The following YWHAB variants were observed in gnomAD, a reference collection of about 807,000 sequenced individuals.
YWHAB encodes the protein 14-3-3 protein beta/alpha.
A neutral mutation model predicts 28.5 loss-of-function variants in YWHAB; 2 were observed. That is an observed-to-expected ratio of 0.07 (90% CI 0.03 to 0.22). The LOEUF is 0.22. Ranked by LOEUF, YWHAB falls within the 10% of genes least tolerant of loss-of-function variation. YWHAB has a pLI of 1.00. For missense variants in YWHAB, 148 were observed against 297.1 expected (o/e 0.50, Z 3.69); for synonymous variants, 103 against 104.7 (o/e 0.98, Z 0.10).
At chr20:44,888,729 C>CA (rs1324131544) in intron 1 of YWHAB, among the ~76,000 whole-genome samples, 5 of 152,204 alleles carry the variant, frequency 3.3e-5, no homozygotes, top group African/African-American at 1.2e-4. Context: ...TAGCATGCAT[C>CA]AGGAAGCAAG....
chr20:44,886,361 G>A (rs1236412042), intron 1 of YWHAB: 1 of 152,310 alleles, frequency 6.6e-6, no homozygotes, highest in African/African-American at 2.4e-5. Flanking sequence ...TCCTGGATGA[G>A]TAAGGGGTTT....
chr20:44,886,975 A>G (rs1188614827), intron 1 of YWHAB: 1 of 152,252 alleles, frequency 6.6e-6, no homozygotes, highest in Non-Finnish European at 1.5e-5. Flanking sequence ...ACCAAAAGAG[A>G]AAGGTGAAGC....
rs570573430 is a variant in YWHAB at position 44,903,916 on chromosome 20, G to A, written c.301-77G>A. 620 of 1,498,434 alleles carry A rather than the reference G, an allele frequency of 4.1e-4. 8 individuals are homozygous for A. In the South Asian group the frequency reaches 7.3e-3, roughly 18 times the overall value. The allele number at this position is 1,498,434 out of a possible 1,614,324, so 92.8% of individuals were successfully genotyped here. On this transcript the variant is annotated intron_variant, in intron 2 of 5. Coordinates refer to ENST00000353703, the MANE Select transcript of YWHAB (RefSeq NM_139323.4). ...TCCAAAAAATTATTTAGAAGCAGTA[G>A]TGTATATCTTGAATCTCAAACATAG... is the stretch of plus-strand genomic sequence containing the variant.
intron 2 of YWHAB, 119 bp from the exon 3 acceptor site, chr20:44,903,874 T>C: frequency 8.8e-7 from 1 of 1,141,568 alleles, no homozygotes; most frequent in Non-Finnish European, 1.2e-6. Context: ...GATGAAAAAT[T>C]GGTGTTTTTT....
intron 1 of YWHAB, among the ~76,000 whole-genome samples, chr20:44,896,976 G>A (rs911033227): frequency 6.6e-6 from 1 of 152,162 alleles, no homozygotes; most frequent in African/African-American, 2.4e-5. Flanking sequence ...TTTTAAAAAG[G>A]TGTGCATTCA....
Position 44,901,675 on chromosome 20 carries a change from G to C in YWHAB, c.142G>C (p.Val48Leu). ...CAACGAAGAGAGAAATCTGCTCTCT[G>C]TTGCCTACAAGAATGTGGTAGGCGC... ...LSNEERNLLS[V>L]AYKNVVGARR... Residue 48 changes from valine to leucine, a missense_variant, in exon 2 of 6, where the codon GTT becomes CTT. This residue lies in a region of YWHAB where 110 missense variants were observed against 177.9 expected (regional missense o/e 0.62). Coordinates refer to ENST00000353703, the MANE Select transcript of YWHAB (RefSeq NM_139323.4). The C allele has an allele frequency of 2.5e-6, 4 of 1,613,360 alleles. No homozygotes were observed. The highest frequency in any genetic ancestry group is 3.4e-6 in the Non-Finnish European group (4 of 1,179,828).
chr20:44,892,866 A>G (rs570591624), intron 1 of YWHAB, among the ~76,000 whole-genome samples: 84 of 152,350 alleles, frequency 5.5e-4, no homozygotes, highest in Admixed American at 2.4e-3. Flanking sequence ...CGTATATTTT[A>G]TATGTATAGA....
At chr20:44,892,284 A>G (rs539772711) in intron 1 of YWHAB, among the ~76,000 whole-genome samples, 1 of 152,178 alleles carries the variant, frequency 6.6e-6, no homozygotes, top group South Asian at 2.1e-4. Context: ...TTTTTATCTC[A>G]TCTAGAAAAA....
chr20:44,894,561 T>C (rs1004682041), intron 1 of YWHAB, among the ~76,000 whole-genome samples: 2 of 152,244 alleles, frequency 1.3e-5, no homozygotes, highest in Non-Finnish European at 2.9e-5. Context: ...ATCTAGACTT[T>C]TGCTTTTCCT....
chr20:44,899,078 C>G (rs1208453526), intron 1 of YWHAB, among the ~76,000 whole-genome samples: 1 of 152,206 alleles, frequency 6.6e-6, no homozygotes, highest in Non-Finnish European at 1.5e-5. Flanking sequence ...CGTCACTGAA[C>G]TCCAGCCTGG....
At position 44,907,280 on chromosome 20, in the gene YWHAB, T is replaced by G. The variant is rs924134966; in HGVS notation, c.*842T>G. 1 of 152,458 alleles carries G rather than the reference T, an allele frequency of 6.6e-6. No individual in the cohort carries two copies. The highest frequency in any genetic ancestry group is 2.4e-5 in the African/African-American group (1 of 41,432). The allele number at this position is 152,458 out of a possible 1,614,324, so 9.4% of individuals were successfully genotyped here. ...TTATCTGTTTCCTGGATAATACCTT[T>G]AAGAATAATGTCCTGAGTCAGGCGT... On this transcript the variant is annotated 3_prime_UTR_variant, in exon 6 of 6. Coordinates refer to ENST00000353703, the MANE Select transcript of YWHAB (RefSeq NM_139323.4).
At position 44,899,877 on chromosome 20, in the gene YWHAB, C is replaced by G. The variant is rs549568581; in HGVS notation, c.-3-1654C>G. Among the ~76,000 whole-genome samples, 8 of 152,296 alleles carry G rather than the reference C, an allele frequency of 5.3e-5. No homozygotes were observed. The South Asian group carries it at 1.7e-3, about 32-fold the overall frequency. ...GTTCAGATGAATTCAGTTATGGTTT[C>G]AAGTTATGTTGCTGTACATCTTGTT... On this transcript the variant is annotated intron_variant, in intron 1 of 5. Transcript: ENST00000353703.
At position 44,906,488 on chromosome 20, in the gene YWHAB, T is replaced by C; in HGVS notation, c.*50T>C. The C allele has an allele frequency of 9.6e-7, 1 of 1,043,894 alleles. No individual in the cohort carries two copies. Among genetic ancestry groups the C allele is most frequent in the African/African-American group, 1.8e-5 (1 of 55,610 alleles). The allele number at this position is 1,043,894 out of a possible 1,614,324, so 64.7% of individuals were successfully genotyped here. A position where few individuals can be genotyped will look rare whatever the true frequency, so the allele number is the denominator to read the frequency against. ...TCAGTGTCACTCTGTACCCTCAACA[T>C]ATATCCCTTGTGCGATAAAAAAAAA... On this transcript the variant is annotated 3_prime_UTR_variant, in exon 6 of 6. Coordinates refer to ENST00000353703, the MANE Select transcript of YWHAB (RefSeq NM_139323.4).
intron 2 of YWHAB, chr20:44,902,905 TG>T: frequency 4.0e-6 from 1 of 252,274 alleles, no homozygotes; most frequent in Non-Finnish European, 6.3e-6. Context: ...TAGGTACATC[TG>T]GTATTCAGAT....
chr20:44,903,930 T>A, intron 2 of YWHAB, 63 bp from the exon 3 acceptor site: 3 of 1,551,260 alleles, frequency 1.9e-6, no homozygotes, highest in Non-Finnish European at 2.6e-6. Flanking sequence ...ATATCTTGAA[T>A]CTCAAACATA....
chr20:44,900,051 T>C (rs1244372950), intron 1 of YWHAB, among the ~76,000 whole-genome samples: 2 of 150,382 alleles, frequency 1.3e-5, no homozygotes, highest in Admixed American at 1.3e-4. Flanking sequence ...GTAGTGTTCT[T>C]TCTTTTTTTT....
intron 2 of YWHAB, chr20:44,903,505 C>G (rs1053741525): frequency 6.6e-6 from 1 of 152,192 alleles, no homozygotes; most frequent in African/African-American, 2.4e-5. Flanking sequence ...GTGGGGGGAA[C>G]AAGTCAGAAG....
rs2066666945 is a variant in YWHAB at position 44,907,736 on chromosome 20, C to T, written c.*1298C>T. On this transcript the variant is annotated 3_prime_UTR_variant, in exon 6 of 6. Transcript: ENST00000353703. ...AGGGGTGAGAGACATTACTGAGCAC[C>T]TTGGTGAGCAAGCCTGGCTTTAAAG... 6.6e-6 allele frequency: 1 copy of T among 152,140 alleles called. No individual in the cohort carries two copies. Among genetic ancestry groups the T allele is most frequent in the African/African-American group, 2.4e-5 (1 of 41,424 alleles). 9.4% of individuals were successfully genotyped at this position (152,140 alleles called of 1,614,324 possible). A position where few individuals can be genotyped will look rare whatever the true frequency, so the allele number is the denominator to read the frequency against.
chr20:44,901,446 G>C, intron 1 of YWHAB, 85 bp from the exon 2 acceptor site: 3 of 1,365,480 alleles, frequency 2.2e-6, no homozygotes, highest in Admixed American at 2.2e-5. Context: ...CTGCTTTCCA[G>C]ATGGGTTGGA....
Sources: allele counts gnomAD v4.1 joint callset (sites outside exome capture counted in the v4.1 genomes callset), GRCh38; gene constraint gnomAD v4.1.1; regional missense constraint gnomAD v4.1.1; transcripts MANE v1.5; gene names NCBI Gene and HGNC (gene_info 2026-07-23, HGNC 2026-07-21).